Variants in KDM7A observed in about 807,000 individuals in gnomAD.
The protein encoded by KDM7A is lysine-specific demethylase 7A.
A neutral mutation model predicts 114.8 loss-of-function variants in KDM7A; 28 were observed. That is an observed-to-expected ratio of 0.24 (90% CI 0.18 to 0.33). The LOEUF (loss-of-function observed/expected upper bound fraction) is 0.33, where lower values mean the gene tolerates loss of function less well. KDM7A is among the 10% of genes least tolerant of loss of function. The pLI, the probability that KDM7A is intolerant of heterozygous loss-of-function variation, is 1.00. For missense variants in KDM7A, 942 were observed against 1,142.5 expected (o/e 0.82, Z 2.53); for synonymous variants, 423 against 397.8 (o/e 1.06, Z -0.75).
intron 10 of KDM7A, 43 bp from the exon 11 acceptor site, chr7:140,111,227 C>T (rs757680886): frequency 7.7e-7 from 1 of 1,302,512 alleles, no homozygotes; most frequent in Admixed American, 1.9e-5. Context: ...AAGTTATTTA[C>T]ACTTTAATAT....
chr7:140,094,391 G>A (rs1036309814), intron 17 of KDM7A, among the ~76,000 whole-genome samples: 1 of 152,092 alleles, frequency 6.6e-6, no homozygotes, highest in African/African-American at 2.4e-5. Flanking sequence ...TGTAATCTCA[G>A]CTACTTGGGA....
At chr7:140,153,768 G>A (rs548372403) in intron 1 of KDM7A, among the ~76,000 whole-genome samples, 13 of 152,290 alleles carry the variant, frequency 8.5e-5, no homozygotes, top group East Asian at 3.9e-4. Context: ...CAGTGGCAGC[G>A]TTCCCACTGT....
chr7:140,094,006 G>A (rs780098907), intron 18 of KDM7A, 50 bp downstream of exon 18: 35 of 1,130,604 alleles, frequency 3.1e-5, no homozygotes, highest in African/African-American at 2.0e-4. Context: ...CAAAAACAAC[G>A]TTAATGATCA....
chr7:140,157,995 T>TAAATA (rs36113160), intron 1 of KDM7A, among the ~76,000 whole-genome samples: 33,442 of 138,128 alleles, frequency 0.24, 4,037 homozygotes, highest in Non-Finnish European at 0.27. Flanking sequence ...AATAAATAAA[T>TAAATA]AATAATAATA....
chr7:140,114,809 GC>G (rs1818492716), intron 9 of KDM7A, among the ~76,000 whole-genome samples: 2 of 149,666 alleles, frequency 1.3e-5, no homozygotes, highest in African/African-American at 4.9e-5. Flanking sequence ...GAGCACCTCT[GC>G]CCGGCCGCGA....
chr7:140,166,334 CCTT>C (rs1794574965), intron 1 of KDM7A, among the ~76,000 whole-genome samples: 1 of 144,502 alleles, frequency 6.9e-6, no homozygotes, highest in Non-Finnish European at 1.5e-5. Flanking sequence ...ACTTTTTTTT[CCTT>C]TTTTTTTTTT....
chr7:140,169,317 T>C (rs1794613065), intron 1 of KDM7A, among the ~76,000 whole-genome samples: 1 of 152,212 alleles, frequency 6.6e-6, no homozygotes, highest in South Asian at 2.1e-4. Flanking sequence ...ACAAATTATC[T>C]CAAAATTTAA....
At chr7:140,102,674 G>C (rs907300503) in intron 11 of KDM7A, among the ~76,000 whole-genome samples, 1 of 151,932 alleles carries the variant, frequency 6.6e-6, no homozygotes, top group Non-Finnish European at 1.5e-5. Flanking sequence ...CACTGCACTG[G>C]GCCTTGATTT....
rs763271453 is a variant in KDM7A at position 140,099,989 on chromosome 7, T to C, written c.1673A>G (p.Asn558Ser). The stretch of plus-strand genomic sequence containing the variant: ...TGTGGAGGATGGTTGGAGATGTTTG[T>C]TGAATTTTCCATTCAGTTTAGAGCT... ...ILSSKLNGKF[N>S]KHLQPSSTVP... Residue 558 changes from asparagine to serine, a missense_variant, in exon 13 of 20, where the codon AAC becomes AGC. Asn to Ser is a conservative substitution (Grantham distance 46). Around this residue, in one of 4 missense-constraint regions of KDM7A, gnomAD observed 512 missense variants for 576.6 expected, o/e 0.89. Coordinates refer to ENST00000397560, the MANE Select transcript of KDM7A (RefSeq NM_030647.2). The C allele has an allele frequency of 6.2e-6, 10 of 1,613,878 alleles. No homozygotes were observed. Among genetic ancestry groups the C allele is most frequent in the Admixed American group, 1.7e-5 (1 of 60,006 alleles).
chr7:140,159,076 T>C (rs538848353), intron 1 of KDM7A, among the ~76,000 whole-genome samples: 3 of 152,378 alleles, frequency 2.0e-5, no homozygotes, highest in African/African-American at 7.2e-5. Context: ...CCGGGCTTGG[T>C]GACTCATACC....
intron 15 of KDM7A, 64 bp downstream of exon 15, chr7:140,097,481 G>C (rs1410083725): frequency 2.3e-6 from 2 of 872,254 alleles, no homozygotes; most frequent in Admixed American, 2.2e-5. Flanking sequence ...TTGCTTCCAG[G>C]AGAAGTTACG....
Position 140,096,709 on chromosome 7 carries a change from A to G in KDM7A, c.2220T>C (p.Ser740=), listed in dbSNP as rs759626472. The part of the protein sequence containing the change: ...TEEEAIQGML[S]MAGLHYSTCL... ...ACGTGGAATAGTGCAACCCTGCCAT[A>G]GACAGCATGCCCTGAATAGCTTCTT... The change falls in exon 17 of 20, where the codon TCT becomes TCC. Residue 740 remains serine (S), a synonymous_variant. Coordinates refer to ENST00000397560, the MANE Select transcript of KDM7A (RefSeq NM_030647.2). 1.9e-6 allele frequency: 3 copies of G among 1,614,194 alleles called. No homozygotes were observed. The highest frequency in any genetic ancestry group is 2.5e-6 in the Non-Finnish European group (3 of 1,180,028).
At chr7:140,154,317 C>G (rs1308011460) in intron 1 of KDM7A, among the ~76,000 whole-genome samples, 1 of 147,826 alleles carries the variant, frequency 6.8e-6, no homozygotes, top group African/African-American at 2.5e-5. Flanking sequence ...ACCCCCGTCA[C>G]TACAAAAAAA....
At chr7:140,126,375 A>G (rs1216399007) in intron 6 of KDM7A, among the ~76,000 whole-genome samples, 1 of 152,170 alleles carries the variant, frequency 6.6e-6, no homozygotes, top group African/African-American at 2.4e-5. Context: ...AAGAGACAAA[A>G]GCCTAAAAGA....
In KDM7A at chr7:140,085,498, T is replaced by C. The variant is rs1817911926; in HGVS notation, c.*5596A>G. ...TTAAAATGAACCTTTTCACCCTCTT[T>C]CCACAGCATGAAACTGTTATGGCTT... is the stretch of plus-strand genomic sequence containing the variant. On this transcript the variant is annotated 3_prime_UTR_variant, in exon 20 of 20. Transcript: ENST00000397560. 6.6e-6 allele frequency: 1 copy of C among 152,210 alleles called. No homozygotes were observed. The highest frequency in any genetic ancestry group is 1.5e-5 in the Non-Finnish European group (1 of 68,040). The allele number at this position is 152,210 out of a possible 1,614,324, so 9.4% of individuals were successfully genotyped here.
At position 140,091,997 on chromosome 7, in the gene KDM7A, C is replaced by A; in HGVS notation, c.2538G>T (p.Val846=). 1 of 1,614,082 alleles carries A rather than the reference C, an allele frequency of 6.2e-7. No homozygotes were observed. Among genetic ancestry groups the A allele is most frequent in the Non-Finnish European group, 8.5e-7 (1 of 1,179,996 alleles). The change falls in exon 19 of 20, where the codon GTG becomes GTT. Residue 846 remains valine, a synonymous_variant. Transcript: ENST00000397560. The part of the protein sequence containing the change: ...ISQRVQSRNY[V]DSSGSSLQNG... The stretch of plus-strand genomic sequence containing the variant: ...TCTGAAGGCTTGAGCCGCTGCTGTC[C>A]ACATAATTCCTACTTTGTACCCTCT...
At position 140,116,662 on chromosome 7, in the gene KDM7A, C is replaced by T. The variant is rs373373135; in HGVS notation, c.1246+2451G>A. Among the ~76,000 whole-genome samples the T allele has an allele frequency of 2.5e-4, 38 of 152,020 alleles. No individual in the cohort carries two copies. In the South Asian group the frequency reaches 7.7e-3, roughly 31 times the overall value. ...TGAATGTGTGTGTGTGTATGCAGTGCGTGTGTGATCTATATAATCAACTAT... is the reference window on the plus strand; with the variant it reads ...TGAATGTGTGTGTGTGTATGCAGTGTGTGTGTGATCTATATAATCAACTAT... On this transcript the variant is annotated intron_variant, in intron 9 of 19. Transcript: ENST00000397560.
At chr7:140,092,894 A>C (rs1350888848) in intron 18 of KDM7A, among the ~76,000 whole-genome samples, 1 of 152,202 alleles carries the variant, frequency 6.6e-6, no homozygotes, top group African/African-American at 2.4e-5. Context: ...AGGCACTATA[A>C]AATCATACAC....
intron 1 of KDM7A, among the ~76,000 whole-genome samples, chr7:140,140,642 C>A (rs1336381234): frequency 6.6e-6 from 1 of 151,786 alleles, no homozygotes; most frequent in Non-Finnish European, 1.5e-5. Context: ...GGCACGATGG[C>A]CGGTGCCTGT....
Sources: gnomAD v4.1 joint callset for allele counts (sites outside exome capture counted in the v4.1 genomes callset) on GRCh38, gnomAD v4.1.1 for gene constraint, gnomAD v4.1.1 regional missense constraint, MANE v1.5 for transcripts, NCBI Gene and HGNC (gene_info 2026-07-23, HGNC 2026-07-21) for gene names.